Variants in KIFAP3 observed in about 807,000 individuals in gnomAD.
KIFAP3 encodes the protein kinesin-associated protein 3.
KIFAP3 carries 68 observed loss-of-function variants against 106.5 expected under a neutral mutation model. The observed-to-expected ratio is 0.64, with a 90% confidence interval of 0.53 to 0.78. KIFAP3 has a LOEUF of 0.78. Among genes scored for constraint, KIFAP3 ranks in the 30% least tolerant of loss-of-function variants. The probability of loss-of-function intolerance (pLI) is 0.00; values close to 1 mark genes in which losing one functional copy is unlikely to be tolerated. For missense variants in KIFAP3, 780 were observed against 941.8 expected (o/e 0.83, Z 2.25); for synonymous variants, 320 against 311.5 (o/e 1.03, Z -0.29).
At chr1:169,999,896 T>C (rs1157273258) in intron 10 of KIFAP3, among the ~76,000 whole-genome samples, 1 of 152,110 alleles carries the variant, frequency 6.6e-6, no homozygotes, top group African/African-American at 2.4e-5. Flanking sequence ...ATTGCATCTT[T>C]TTTTCTTTTT....
chr1:169,953,640 G>A (rs1664845995), intron 19 of KIFAP3, among the ~76,000 whole-genome samples: 1 of 151,952 alleles, frequency 6.6e-6, no homozygotes, highest in Admixed American at 6.6e-5. Context: ...TCAGCCTCCT[G>A]AGTAGCTGGG....
In KIFAP3 at chr1:169,955,235, TATTTTATA is replaced by T. The variant is rs1304747631; in HGVS notation, c.2174-1133_2174-1126del. On this transcript the variant is annotated intron_variant, in intron 18 of 19. Coordinates refer to ENST00000361580, the MANE Select transcript of KIFAP3 (RefSeq NM_014970.4). The stretch of plus-strand genomic sequence containing the variant: ...GCAAATTATTCAATCACCAAATGAT[TATTTTATA>T]CTTAGCACATGCAAATACTGTGCTA... 3.9e-5 allele frequency among the ~76,000 whole-genome samples: 6 copies of T among 152,212 alleles called. No individual in the cohort carries two copies. In the East Asian group the frequency reaches 1.2e-3, roughly 29 times the overall value.
At chr1:170,011,880 T>G (rs1177292353) in intron 10 of KIFAP3, among the ~76,000 whole-genome samples, 3 of 152,110 alleles carry the variant, frequency 2.0e-5, no homozygotes, top group African/African-American at 7.2e-5. Context: ...AACATATATA[T>G]TAACAAATGT....
intron 18 of KIFAP3, among the ~76,000 whole-genome samples, chr1:169,957,329 C>T (rs1223137254): frequency 1.3e-5 from 2 of 152,128 alleles, no homozygotes; most frequent in Non-Finnish European, 2.9e-5. Flanking sequence ...TACACATTTA[C>T]AGTACTCAAT....
chr1:170,017,058 G>A (rs1668558135), intron 9 of KIFAP3, among the ~76,000 whole-genome samples: 1 of 152,002 alleles, frequency 6.6e-6, no homozygotes, highest in African/African-American at 2.4e-5. Flanking sequence ...AGAGATTGAG[G>A]CCATCCTGGC....
intron 19 of KIFAP3, among the ~76,000 whole-genome samples, chr1:169,933,938 T>C (rs748230159): frequency 2.6e-5 from 4 of 152,164 alleles, no homozygotes; most frequent in Non-Finnish European, 5.9e-5. Context: ...AACTTTGACA[T>C]GACTTCTTTC....
intron 1 of KIFAP3, among the ~76,000 whole-genome samples, chr1:170,072,053 A>G (rs1322230613): frequency 6.6e-6 from 1 of 152,350 alleles, no homozygotes; most frequent in East Asian, 1.9e-4. Context: ...TCATTTACCA[A>G]ATATGTTTTA....
chr1:169,973,781 T>G (rs1257841529), intron 16 of KIFAP3, among the ~76,000 whole-genome samples: 1 of 151,774 alleles, frequency 6.6e-6, no homozygotes. Context: ...TATTTTCAGA[T>G]AAAGACATTT....
chr1:169,984,311 A>G (rs992832775), intron 12 of KIFAP3, among the ~76,000 whole-genome samples: 1 of 151,784 alleles, frequency 6.6e-6, no homozygotes, highest in Non-Finnish European at 1.5e-5. Flanking sequence ...TTGCAAAGAA[A>G]AAGTTTCATT....
chr1:169,948,894 G>T (rs547752366), intron 19 of KIFAP3, among the ~76,000 whole-genome samples: 2 of 151,976 alleles, frequency 1.3e-5, no homozygotes, highest in East Asian at 3.9e-4. Context: ...TTTAGACAGA[G>T]AATATGTAAT....
intron 2 of KIFAP3, among the ~76,000 whole-genome samples, chr1:170,053,250 A>T (rs191111912): frequency 7.2e-5 from 11 of 152,292 alleles, no homozygotes; most frequent in African/African-American, 2.6e-4. Flanking sequence ...CACAATTGCT[A>T]CAAAGAAAAT....
chr1:169,932,305 A>G (rs547589417), intron 19 of KIFAP3, among the ~76,000 whole-genome samples: 1 of 152,316 alleles, frequency 6.6e-6, no homozygotes, highest in African/African-American at 2.4e-5. Flanking sequence ...AATACTAATA[A>G]GAAATGAAAA....
At chr1:170,018,826 TG>T (rs1298690969) in intron 9 of KIFAP3, among the ~76,000 whole-genome samples, 1 of 151,920 alleles carries the variant, frequency 6.6e-6, no homozygotes, top group African/African-American at 2.4e-5. Flanking sequence ...AATTAACACC[TG>T]ATTTTTCCTT....
chr1:169,931,831 T>C (rs868621342), intron 19 of KIFAP3, among the ~76,000 whole-genome samples: 4 of 152,216 alleles, frequency 2.6e-5, no homozygotes, highest in Non-Finnish European at 4.4e-5. Context: ...TGTCTGGTAC[T>C]GAGTGAGTTA....
At chr1:169,943,431 TC>T (rs919981990) in intron 19 of KIFAP3, among the ~76,000 whole-genome samples, 13 of 152,100 alleles carry the variant, frequency 8.5e-5, no homozygotes, top group African/African-American at 1.4e-4. Flanking sequence ...TTAGAAAATA[TC>T]CCTGAGTTAA....
At chr1:169,983,467 T>C in intron 12 of KIFAP3, 85 bp from the exon 13 acceptor site, 1 of 809,416 alleles carries the variant, frequency 1.2e-6, no homozygotes, top group South Asian at 1.5e-5. Context: ...GCCACAACAA[T>C]TTACATCTAG....
Position 169,958,815 on chromosome 1 carries a change from T to C in KIFAP3, c.2173+2231A>G, listed in dbSNP as rs904836498. ...AAAGCAAACAGCTTCATTTTCATAA[T>C]AGCAAAGGACATTAATTAATGACTA... On this transcript the variant is annotated intron_variant, in intron 18 of 19. Coordinates refer to ENST00000361580, the MANE Select transcript of KIFAP3 (RefSeq NM_014970.4). 4.7e-4 allele frequency among the ~76,000 whole-genome samples: 72 copies of C among 152,180 alleles called. 1 individual carries two copies. The highest frequency in any genetic ancestry group is 1.7e-3 in the African/African-American group (69 of 41,450).
intron 8 of KIFAP3, among the ~76,000 whole-genome samples, chr1:170,026,727 TAGA>T (rs1347871340): frequency 6.6e-6 from 1 of 151,772 alleles, no homozygotes; most frequent in East Asian, 1.9e-4. Flanking sequence ...ATGAGAGGAG[TAGA>T]AGAACAAAGC....
chr1:170,006,324 G>A (rs1163294470), intron 10 of KIFAP3, among the ~76,000 whole-genome samples: 1 of 152,076 alleles, frequency 6.6e-6, no homozygotes, highest in Non-Finnish European at 1.5e-5. Flanking sequence ...ATTGTTCTAG[G>A]TATTAGGAGT....
Sources: allele counts gnomAD v4.1 joint callset (sites outside exome capture counted in the v4.1 genomes callset), GRCh38; gene constraint gnomAD v4.1.1; transcripts MANE v1.5; gene names NCBI Gene and HGNC (gene_info 2026-07-23, HGNC 2026-07-21).